PDLIM5: variants seen among roughly 807,000 people sequenced by gnomAD.
The protein encoded by PDLIM5 is PDZ and LIM domain protein 5.
PDLIM5 carries 34 observed loss-of-function variants against 64.2 expected under a neutral mutation model. The observed-to-expected ratio is 0.53, with a 90% confidence interval of 0.40 to 0.71. PDLIM5 has a LOEUF of 0.71. Among genes scored for constraint, PDLIM5 ranks in the 30% least tolerant of loss-of-function variants. The probability of loss-of-function intolerance (pLI) is 0.00; values close to 1 mark genes in which losing one functional copy is unlikely to be tolerated. For synonymous variants in PDLIM5, 253 were observed against 269.1 expected (o/e 0.94, Z 0.59); for missense variants, 683 against 733.6 (o/e 0.93, Z 0.80).
intron 3 of PDLIM5, among the ~76,000 whole-genome samples, chr4:94,563,562 T>G (rs1457151682): frequency 6.6e-6 from 1 of 152,226 alleles, no homozygotes; most frequent in African/African-American, 2.4e-5. Context: ...AATGCTGGAA[T>G]ACTTATCCCC....
intron 3 of PDLIM5, among the ~76,000 whole-genome samples, chr4:94,538,844 T>TG (rs1331936731): frequency 1.3e-5 from 2 of 152,158 alleles, no homozygotes; most frequent in Middle Eastern, 3.2e-3. Flanking sequence ...ATGTAGAGCT[T>TG]GAATAAACCT....
At chr4:94,661,732 C>G (rs6823559) in intron 11 of PDLIM5, among the ~76,000 whole-genome samples, 149,937 of 152,308 alleles carry the variant, frequency 0.98, 73,827 homozygotes, top group East Asian at 1. Context: ...TTTGATCTCT[C>G]TTCATTAGTC....
At chr4:94,563,169 A>T (rs1010030935) in intron 3 of PDLIM5, among the ~76,000 whole-genome samples, 4 of 152,174 alleles carry the variant, frequency 2.6e-5, no homozygotes, top group African/African-American at 9.7e-5. Flanking sequence ...GCTGGCTTTT[A>T]AGTTCCTATT....
At chr4:94,524,435 T>G (rs985948204) in intron 3 of PDLIM5, among the ~76,000 whole-genome samples, 8 of 151,958 alleles carry the variant, frequency 5.3e-5, no homozygotes, top group Non-Finnish European at 1.2e-4. Flanking sequence ...TTCTTGAAAT[T>G]TCTCAATGGA....
intron 3 of PDLIM5, among the ~76,000 whole-genome samples, chr4:94,551,884 A>G (rs1275390514): frequency 6.6e-6 from 1 of 152,158 alleles, no homozygotes; most frequent in Non-Finnish European, 1.5e-5. Flanking sequence ...AAGTGGAAGA[A>G]TGTCTTTTTT....
intron 3 of PDLIM5, among the ~76,000 whole-genome samples, chr4:94,568,877 TTG>T (rs1734567362): frequency 6.6e-6 from 1 of 152,224 alleles, no homozygotes; most frequent in Non-Finnish European, 1.5e-5. Context: ...TGTTATATCT[TTG>T]TTGGAATACT....
intron 3 of PDLIM5, among the ~76,000 whole-genome samples, chr4:94,551,353 G>T (rs1732791048): frequency 1.3e-5 from 2 of 152,066 alleles, no homozygotes; most frequent in African/African-American, 4.8e-5. Context: ...AACTCTGTTT[G>T]CAAAGAGCCC....
In PDLIM5 at chr4:94,464,717, A is replaced by G. The variant is rs190463269; in HGVS notation, c.96+9333A>G. Among the ~76,000 whole-genome samples, 341 of 152,310 alleles carry G rather than the reference A, an allele frequency of 2.2e-3. 2 individuals carry two copies. The highest frequency in any genetic ancestry group is 7.8e-3 in the African/African-American group (326 of 41,576). On this transcript the variant is annotated intron_variant, in intron 2 of 12. Transcript: ENST00000317968. The stretch of plus-strand genomic sequence containing the variant: ...ATCTTTATGCTACTCACTTGCAAAT[A>G]TCCTACAAATGGTTGTTTTGATCTT...
At chr4:94,558,699 TA>T (rs1228925689) in intron 3 of PDLIM5, among the ~76,000 whole-genome samples, 2 of 152,060 alleles carry the variant, frequency 1.3e-5, no homozygotes, top group Non-Finnish European at 2.9e-5. Flanking sequence ...TGTTGGGGGA[TA>T]AAAATGTCGG....
chr4:94,661,884 G>A (rs960277530), intron 11 of PDLIM5, among the ~76,000 whole-genome samples: 16 of 150,978 alleles, frequency 1.1e-4, no homozygotes, highest in Non-Finnish European at 1.9e-4. Context: ...GCAGTGGCGC[G>A]ATCTCAGCTC....
intron 5 of PDLIM5, chr4:94,577,182 C>A: frequency 2.2e-6 from 1 of 457,138 alleles, no homozygotes; most frequent in Non-Finnish European, 4.4e-6. Flanking sequence ...GGGAAATAGT[C>A]TACAGGCCTG....
chr4:94,483,674 G>A (rs1726068379), intron 2 of PDLIM5, among the ~76,000 whole-genome samples: 2 of 152,034 alleles, frequency 1.3e-5, no homozygotes. Flanking sequence ...AATAGAGATG[G>A]TTCAACATCG....
intron 3 of PDLIM5, among the ~76,000 whole-genome samples, chr4:94,536,462 A>T (rs1731325925): frequency 6.6e-6 from 1 of 152,252 alleles, no homozygotes; most frequent in Admixed American, 6.5e-5. Flanking sequence ...GCTGAATAAA[A>T]TGTGGCATGC....
At chr4:94,626,209 C>A (rs938518623) in intron 8 of PDLIM5, among the ~76,000 whole-genome samples, 22 of 152,068 alleles carry the variant, frequency 1.4e-4, no homozygotes, top group African/African-American at 5.1e-4. Flanking sequence ...ATACAATGGG[C>A]GGCCTAAAAG....
intron 2 of PDLIM5, among the ~76,000 whole-genome samples, chr4:94,465,489 G>A (rs1189929910): frequency 6.6e-6 from 1 of 151,906 alleles, no homozygotes; most frequent in Admixed American, 6.6e-5. Flanking sequence ...TAACCTCCAC[G>A]TCCTGGGTTC....
intron 3 of PDLIM5, among the ~76,000 whole-genome samples, chr4:94,538,006 A>G (rs979146931): frequency 3.9e-5 from 6 of 152,332 alleles, no homozygotes; most frequent in African/African-American, 1.4e-4. Context: ...AGGGGCAGTT[A>G]TGAAGACATT....
chr4:94,587,397 T>G (rs1361478154), intron 7 of PDLIM5: 2 of 1,089,152 alleles, frequency 1.8e-6, no homozygotes, highest in Non-Finnish European at 2.2e-6. Context: ...ATAAGTTGAA[T>G]TTGGTTAGTT....
chr4:94,461,070 C>T (rs968223222), intron 2 of PDLIM5, among the ~76,000 whole-genome samples: 8 of 152,122 alleles, frequency 5.3e-5, no homozygotes, highest in African/African-American at 1.7e-4. Context: ...ACCACAGGAC[C>T]AGTTATATCT....
intron 8 of PDLIM5, among the ~76,000 whole-genome samples, chr4:94,630,682 C>A (rs1275182999): frequency 6.6e-6 from 1 of 151,944 alleles, no homozygotes; most frequent in African/African-American, 2.4e-5. Flanking sequence ...GCCTAGTATC[C>A]ATTGATATTT....
Sources: allele counts gnomAD v4.1 joint callset (sites outside exome capture counted in the v4.1 genomes callset), GRCh38; gene constraint gnomAD v4.1.1; transcripts MANE v1.5; gene names NCBI Gene and HGNC (gene_info 2026-07-23, HGNC 2026-07-21).